PITPNM2: variants seen among roughly 807,000 people sequenced by gnomAD.
The protein encoded by PITPNM2 is phosphatidylinositol transfer protein membrane associated 2, also known as membrane-associated phosphatidylinositol transfer protein 2.
Under a neutral mutation model 132.2 loss-of-function variants are expected in PITPNM2, and 35 were observed. The ratio of observed to expected loss-of-function variants is 0.26; its 90% CI spans 0.20 to 0.35. PITPNM2 has a LOEUF of 0.35. PITPNM2 is among the 10% of genes least tolerant of loss of function. The pLI is 1.00. For synonymous variants in PITPNM2, 738 were observed against 799.2 expected, an observed-to-expected ratio of 0.92 and a Z score of 1.29; for missense variants, 1,332 against 1,912.0, an observed-to-expected ratio of 0.70 and a Z score of 5.66.
rs1262365135 is a variant in PITPNM2 at position 123,097,568 on chromosome 12, T to C, written c.-96+12817A>G. On this transcript the variant is annotated intron_variant, in intron 2 of 25. Coordinates refer to ENST00000320201, the MANE Select transcript of PITPNM2 (RefSeq NM_020845.3). This position sits in a 1 kb window ranked among gnomAD's most constrained non-coding sequence, Gnocchi z 4.7. ...ACGCACATGCTCAGCAGTGATGGCA[T>C]GGATGGGGAGGGGTTCCAGCAGACT... Among the ~76,000 whole-genome samples, 1 of 152,162 alleles carries C rather than the reference T, an allele frequency of 6.6e-6. No homozygotes were observed. Among genetic ancestry groups the C allele is most frequent in the Middle Eastern group, 3.4e-3 (1 of 294 alleles).
Position 123,022,693 on chromosome 12 carries a change from G to A in PITPNM2, c.79-8651C>T, listed in dbSNP as rs2039714808. Among the ~76,000 whole-genome samples, 1 of 152,218 alleles carries A rather than the reference G, an allele frequency of 6.6e-6. No individual in the cohort carries two copies. The highest frequency in any genetic ancestry group is 2.4e-5 in the African/African-American group (1 of 41,456). On this transcript the variant is annotated intron_variant, in intron 3 of 25. Coordinates refer to ENST00000320201, the MANE Select transcript of PITPNM2 (RefSeq NM_020845.3). The surrounding 1 kb of genome is among the most constrained non-coding windows in gnomAD (Gnocchi z 4.9). ...TCCCAGGCCATGAGTGACTGTGGTA[G>A]TGCAGAGACAGAGAAGCAGCCACAG...
chr12:122,997,178 G>C, intron 11 of PITPNM2, 147 bp downstream of exon 11: 1 of 1,259,372 alleles, frequency 7.9e-7, no homozygotes, highest in Non-Finnish European at 1.1e-6. Context: ...GCGTGTATAC[G>C]TTTGGGCACC....
intron 1 of PITPNM2, among the ~76,000 whole-genome samples, chr12:123,142,391 T>A (rs2043523291): frequency 6.6e-6 from 1 of 152,254 alleles, no homozygotes; most frequent in Non-Finnish European, 1.5e-5. Flanking sequence ...TTGGAAAATG[T>A]CCCGCTTAGG....
rs1261879346 is a variant in PITPNM2, at chr12:123,068,498, TAAAA to T, written c.-95-33817_-95-33814del. On this transcript the variant is annotated intron_variant, in intron 2 of 25. Coordinates refer to ENST00000320201, the MANE Select transcript of PITPNM2 (RefSeq NM_020845.3). ...ATAAATAAATAAATAAATAAATAAATAAAAATAATCCTTGGGCACACCAGCCCTA... is the reference window on the plus strand; with the variant it reads ...ATAAATAAATAAATAAATAAATAAATATAATCCTTGGGCACACCAGCCCTA... 1.1e-3 allele frequency among the ~76,000 whole-genome samples: 137 copies of T among 124,206 alleles called. 1 individual carries two copies. The highest frequency in any genetic ancestry group is 4.4e-3 in the African/African-American group (125 of 28,704). The allele number at this position is 124,206 out of a possible 152,430, so 81.5% of individuals were successfully genotyped here. A position where few individuals can be genotyped will look rare whatever the true frequency, so the allele number is the denominator to read the frequency against.
intron 2 of PITPNM2, among the ~76,000 whole-genome samples, chr12:123,057,964 G>A (rs1422461511): frequency 6.6e-6 from 1 of 152,198 alleles, no homozygotes; most frequent in Non-Finnish European, 1.5e-5. Flanking sequence ...GACCCTCCGT[G>A]CCAGCTGGGC....
At chr12:122,986,868 C>T (rs984576859) in intron 23 of PITPNM2, 39 bp from the exon 24 acceptor site, 8 of 1,548,524 alleles carry the variant, frequency 5.2e-6, no homozygotes, top group Non-Finnish European at 7.0e-6. Context: ...CCCCTTCCTC[C>T]CTCCTGGGCC....
At chr12:123,050,187 G>A (rs893801293) in intron 2 of PITPNM2, among the ~76,000 whole-genome samples, 18 of 152,270 alleles carry the variant, frequency 1.2e-4, no homozygotes, top group African/African-American at 4.3e-4. Context: ...AGTCATCTCA[G>A]CCCTTTCTGA....
chr12:123,133,567 G>A (rs901415537), intron 1 of PITPNM2, among the ~76,000 whole-genome samples: 15 of 152,318 alleles, frequency 9.8e-5, no homozygotes, highest in African/African-American at 3.6e-4. Flanking sequence ...AACTCTGTGG[G>A]ATGATAGTAG....
intron 2 of PITPNM2, among the ~76,000 whole-genome samples, chr12:123,056,375 G>C (rs1218315456): frequency 6.6e-6 from 1 of 152,144 alleles, no homozygotes; most frequent in African/African-American, 2.4e-5. Context: ...TGTCCACGTT[G>C]CCCGGGAGAC....
At chr12:123,046,089 C>T (rs1037582830) in intron 2 of PITPNM2, among the ~76,000 whole-genome samples, 6 of 152,212 alleles carry the variant, frequency 3.9e-5, no homozygotes, top group African/African-American at 1.4e-4. Context: ...GGGCAGCTAA[C>T]AGTCAGAGAC....
At chr12:123,127,607 T>C (rs1360855176) in intron 1 of PITPNM2, among the ~76,000 whole-genome samples, 1 of 150,720 alleles carries the variant, frequency 6.6e-6, no homozygotes, top group Non-Finnish European at 1.5e-5. Flanking sequence ...CCTCTTTTTC[T>C]TTCTTTTTTT....
At chr12:123,003,878 G>A (rs1157401974) in intron 8 of PITPNM2, among the ~76,000 whole-genome samples, 1 of 152,252 alleles carries the variant, frequency 6.6e-6, no homozygotes, top group Admixed American at 6.5e-5. Flanking sequence ...TCCTGGCACA[G>A]GTGGTGCATC....
rs1594123149 is a variant in PITPNM2 at position 122,992,227 on chromosome 12, T to C, written c.2404+272A>G. On this transcript the variant is annotated intron_variant, in intron 16 of 25. Coordinates refer to ENST00000320201, the MANE Select transcript of PITPNM2 (RefSeq NM_020845.3). The surrounding 1 kb of genome is among the most constrained non-coding windows in gnomAD (Gnocchi z 6.5). The stretch of plus-strand genomic sequence containing the variant: ...TGGAGAGGGGAGTCTGGTCTTGTTC[T>C]GCCCTTTCCCTGCTCCGGGGACCCT... Among the ~76,000 whole-genome samples, 2 of 152,160 alleles carry C rather than the reference T, an allele frequency of 1.3e-5. No individual in the cohort carries two copies.
intron 2 of PITPNM2, among the ~76,000 whole-genome samples, chr12:123,103,197 A>G (rs972458457): frequency 6.6e-6 from 1 of 152,202 alleles, no homozygotes; most frequent in African/African-American, 2.4e-5. Flanking sequence ...CTGTCCTTAC[A>G]GTGATGATCC....
intron 2 of PITPNM2, among the ~76,000 whole-genome samples, chr12:123,069,136 C>T (rs2041542934): frequency 6.6e-6 from 1 of 151,834 alleles, no homozygotes; most frequent in Admixed American, 6.6e-5. Context: ...GCCTGTAGAA[C>T]CAGCTACTCA....
chr12:123,127,610 C>CTTTT (rs1202654049), intron 1 of PITPNM2, among the ~76,000 whole-genome samples: 6 of 139,466 alleles, frequency 4.3e-5, no homozygotes, highest in Non-Finnish European at 7.8e-5. Context: ...CTTTTTCTTT[C>CTTTT]TTTTTTTTTT....
At chr12:123,100,098 C>T (rs977498079) in intron 2 of PITPNM2, among the ~76,000 whole-genome samples, 6 of 152,216 alleles carry the variant, frequency 3.9e-5, no homozygotes, top group African/African-American at 2.4e-5. Context: ...AACTGAGGTG[C>T]AGTGAGTTGA....
At position 122,986,025 on chromosome 12, in the gene PITPNM2, C is replaced by T; in HGVS notation, c.*2G>A. The T allele has an allele frequency of 5.0e-6, 7 of 1,398,140 alleles. No individual in the cohort carries two copies. The highest frequency in any genetic ancestry group is 1.6e-5 in the South Asian group (1 of 62,818). 86.6% of individuals were successfully genotyped at this position (1,398,140 alleles called of 1,614,324 possible). A position where few individuals can be genotyped will look rare whatever the true frequency, so the allele number is the denominator to read the frequency against. On this transcript the variant is annotated 3_prime_UTR_variant, in exon 26 of 26. Transcript: ENST00000320201. Reference sequence around the variant, plus strand: ...GAGACCCCGCGCTGCACTCACGGTGCCCTACTTGGGGCCCGCGGCTGCCCC... The same window carrying T: ...GAGACCCCGCGCTGCACTCACGGTGTCCTACTTGGGGCCCGCGGCTGCCCC...
intron 3 of PITPNM2, among the ~76,000 whole-genome samples, chr12:123,015,017 T>C (rs1050643112): frequency 4.6e-5 from 7 of 152,170 alleles, no homozygotes; most frequent in African/African-American, 1.7e-4. Context: ...AACTACAAAA[T>C]GTTGCTGAAA....
Sources: allele counts gnomAD v4.1 joint callset (sites outside exome capture counted in the v4.1 genomes callset), GRCh38; gene constraint gnomAD v4.1.1; non-coding constraint Gnocchi (gnomAD v3.1); transcripts MANE v1.5; gene names NCBI Gene and HGNC (gene_info 2026-07-23, HGNC 2026-07-21).